The following AGBL1 variants were observed in gnomAD, a reference collection of about 807,000 sequenced individuals.
The protein encoded by AGBL1 is AGBL carboxypeptidase 1, also known as cytosolic carboxypeptidase 4.
Under a neutral mutation model 118.9 loss-of-function variants are expected in AGBL1, and 130 were observed. That is an observed-to-expected ratio of 1.09 (90% CI 0.95 to 1.26). The LOEUF is 1.26. Among genes scored for constraint, AGBL1 ranks in the 50% most tolerant of loss-of-function variants. The pLI, the probability that AGBL1 is intolerant of heterozygous loss-of-function variation, is 0.00. For synonymous variants in AGBL1, 555 were observed against 478.9 expected (o/e 1.16, Z -2.08); for missense variants, 1,584 against 1,298.1 (o/e 1.22, Z -3.38).
intron 20 of AGBL1, among the ~76,000 whole-genome samples, chr15:86,547,880 T>C (rs1055386675): frequency 2.6e-5 from 4 of 152,174 alleles, no homozygotes; most frequent in Non-Finnish European, 5.9e-5. Flanking sequence ...CTATGACATA[T>C]GTGGAGGTAG....
chr15:86,210,701 A>C lies in AGBL1; in HGVS notation c.489-14213A>C, dbSNP rs181502165. Among the ~76,000 whole-genome samples, 181 of 152,216 alleles carry C rather than the reference A, an allele frequency of 1.2e-3. 1 individual carries two copies. The highest frequency in any genetic ancestry group is 0.01 in the Middle Eastern group (3 of 294). The stretch of plus-strand genomic sequence containing the variant: ...AGGTTTTCTCTACACTGTTTATTTT[A>C]GTTAGCCATTCGTCTAATCTTTTTT... On this transcript the variant is annotated intron_variant, in intron 5 of 22. Coordinates refer to ENST00000614907, the MANE Select transcript of AGBL1 (RefSeq NM_001386094.1).
At chr15:86,948,011 C>T (rs950104553) in intron 23 of AGBL1, among the ~76,000 whole-genome samples, 1 of 152,184 alleles carries the variant, frequency 6.6e-6, no homozygotes, top group South Asian at 2.1e-4. Context: ...TTAAGGTTGT[C>T]ATCTACCTCA....
At position 86,306,338 on chromosome 15, in the gene AGBL1, A is replaced by G. The variant is rs534408227; in HGVS notation, c.2374+10930A>G. 4.6e-5 allele frequency among the ~76,000 whole-genome samples: 7 copies of G among 152,162 alleles called. No individual in the cohort carries two copies. The East Asian group carries it at 1.4e-3, about 29-fold the overall frequency. On this transcript the variant is annotated intron_variant, in intron 17 of 22. Transcript: ENST00000614907. Reference sequence around the variant, plus strand: ...ACTACCTTCCAAGCCTCTGGTAACCATCCTTCTACTCTTTATCTTCATGAG... The same window carrying G: ...ACTACCTTCCAAGCCTCTGGTAACCGTCCTTCTACTCTTTATCTTCATGAG...
At chr15:86,151,072 A>G (rs149785914) in intron 3 of AGBL1, among the ~76,000 whole-genome samples, 55 of 151,794 alleles carry the variant, frequency 3.6e-4, no homozygotes, top group African/African-American at 1.3e-3. Context: ...CAAACACCGC[A>G]TATTCTTACT....
rs551713854 is a variant in AGBL1 at position 86,998,606 on chromosome 15, T to C, written c.3323+10518T>C. Among the ~76,000 whole-genome samples, 51 of 152,258 alleles carry C rather than the reference T, an allele frequency of 3.3e-4. 1 individual carries two copies. The East Asian group carries it at 9.7e-3, about 29-fold the overall frequency. On this transcript the variant is annotated intron_variant, in intron 24 of 24. Transcript: ENST00000441037. ...ATCACACCTTATTTTCTCCAATAAG[T>C]TTGTTAATTTGTTATATGGCAATAA...
At chr15:86,157,611 A>T (rs540610638) in intron 4 of AGBL1, among the ~76,000 whole-genome samples, 84 of 152,306 alleles carry the variant, frequency 5.5e-4, no homozygotes, top group African/African-American at 1.9e-3. Context: ...TAAAAAAATT[A>T]TACTGTCACT....
At chr15:86,094,384 C>G (rs1022899719) in intron 1 of AGBL1, among the ~76,000 whole-genome samples, 1 of 152,090 alleles carries the variant, frequency 6.6e-6, no homozygotes, top group African/African-American at 2.4e-5. Context: ...TCTTTAATGA[C>G]ATGGTATTTT....
At chr15:86,965,710 G>A (rs940529993) in intron 23 of AGBL1, among the ~76,000 whole-genome samples, 7 of 152,060 alleles carry the variant, frequency 4.6e-5, no homozygotes, top group Non-Finnish European at 8.8e-5. Flanking sequence ...GCAGGGACAT[G>A]GATGAAGCTG....
intron 20 of AGBL1, among the ~76,000 whole-genome samples, chr15:86,553,292 C>A (rs1049460428): frequency 5.3e-5 from 8 of 152,208 alleles, no homozygotes; most frequent in African/African-American, 1.9e-4. Context: ...TGTATACTAT[C>A]AACTCTGAGT....
At chr15:86,786,958 G>A (rs917111983) in intron 22 of AGBL1, among the ~76,000 whole-genome samples, 9 of 152,052 alleles carry the variant, frequency 5.9e-5, no homozygotes, top group Non-Finnish European at 4.4e-5. Flanking sequence ...TGCAACTGGT[G>A]GTACCAATTT....
At chr15:86,703,762 G>A (rs1434903159) in intron 22 of AGBL1, among the ~76,000 whole-genome samples, 1 of 152,064 alleles carries the variant, frequency 6.6e-6, no homozygotes, top group Non-Finnish European at 1.5e-5. Context: ...GTAAGATGAT[G>A]TGTCTTGCTT....
intron 23 of AGBL1, among the ~76,000 whole-genome samples, chr15:86,928,388 T>C (rs1290708812): frequency 1.3e-5 from 2 of 152,106 alleles, no homozygotes; most frequent in African/African-American, 4.8e-5. Flanking sequence ...TGCAGAAAGA[T>C]TTTCAGGTCC....
Position 86,356,377 on chromosome 15 carries a change from C to T in AGBL1, c.2375-40989C>T, listed in dbSNP as rs530101357. 1.8e-3 allele frequency among the ~76,000 whole-genome samples: 276 copies of T among 151,598 alleles called. 1 individual carries two copies. The highest frequency in any genetic ancestry group is 6.5e-3 in the African/African-American group (266 of 41,240). On this transcript the variant is annotated intron_variant, in intron 17 of 22. Transcript: ENST00000614907. ...GTGTGCGCGTGCGCCCGCACGCACG[C>T]GCATGTGTCAGAGAATAGGGAAAAT...
chr15:86,354,452 A>T (rs371619175), intron 17 of AGBL1, among the ~76,000 whole-genome samples: 1 of 152,246 alleles, frequency 6.6e-6, no homozygotes, highest in African/African-American at 2.4e-5. Context: ...CCATTGTCAG[A>T]AAAGGACCAG....
intron 9 of AGBL1, among the ~76,000 whole-genome samples, chr15:86,260,292 A>G (rs2078962679): frequency 6.6e-6 from 1 of 152,210 alleles, no homozygotes; most frequent in South Asian, 2.1e-4. Flanking sequence ...TGGCCTTCCC[A>G]TTTGACAATC....
chr15:86,126,770 C>T (rs1406637402), intron 1 of AGBL1, among the ~76,000 whole-genome samples: 3 of 152,152 alleles, frequency 2.0e-5, no homozygotes, highest in Non-Finnish European at 4.4e-5. Context: ...AATTTTCTTC[C>T]AAACTGCTTC....
chr15:86,893,421 T>C (rs1178749754), intron 22 of AGBL1, among the ~76,000 whole-genome samples: 1 of 152,232 alleles, frequency 6.6e-6, no homozygotes, highest in Non-Finnish European at 1.5e-5. Context: ...TTGTTCACCC[T>C]GTTAGCATGC....
At chr15:87,028,641 C>G (rs2081757708) in intron 24 of AGBL1, among the ~76,000 whole-genome samples, 1 of 151,856 alleles carries the variant, frequency 6.6e-6, no homozygotes, top group Admixed American at 6.6e-5. Context: ...TTCTCACATT[C>G]TGGTTGAAGA....
chr15:86,934,351 T>C (rs1364361778), intron 23 of AGBL1, among the ~76,000 whole-genome samples: 1 of 152,164 alleles, frequency 6.6e-6, no homozygotes, highest in Middle Eastern at 3.2e-3. Flanking sequence ...AACAGCTCCC[T>C]ATTGGCCAAG....
Sources: allele counts gnomAD v4.1 joint callset (sites outside exome capture counted in the v4.1 genomes callset), GRCh38; gene constraint gnomAD v4.1.1; transcripts MANE v1.5; gene names NCBI Gene and HGNC (gene_info 2026-07-23, HGNC 2026-07-21).